The following RNF43 variants were observed in gnomAD, a reference collection of about 807,000 sequenced individuals.
The protein encoded by RNF43 is ring finger protein 43, also known as E3 ubiquitin-protein ligase RNF43.
In RNF43, 37 loss-of-function variants were observed where a neutral mutation model predicts 78.4. The ratio of observed to expected loss-of-function variants is 0.47; its 90% CI spans 0.36 to 0.62. The LOEUF is 0.62. Ranked by LOEUF, RNF43 falls within the 20% of genes least tolerant of loss-of-function variation. The pLI is 0.00. For synonymous variants in RNF43, 347 were observed against 395.0 expected (o/e 0.88, Z 1.44); for missense variants, 774 against 1,007.9 (o/e 0.77, Z 3.14).
In RNF43 at chr17:58,356,997, G is replaced by T. The variant is rs191299867; in HGVS notation, c.2308+471C>A. 3 of 507,520 alleles carry T rather than the reference G, an allele frequency of 5.9e-6. No individual in the cohort carries two copies. In the South Asian group the frequency reaches 6.3e-5, roughly 11 times the overall value. 31.4% of individuals were successfully genotyped at this position (507,520 alleles called of 1,614,324 possible). ...CAACTTCCGCCTCTTAGGTTCACGC[G>T]ATTCTCCTGCCTCAGCCTCCTGAGT... is the stretch of plus-strand genomic sequence containing the variant. On this transcript the variant is annotated intron_variant, in intron 9 of 9. Transcript: ENST00000407977.
chr17:58,370,691 A>G lies in RNF43; in HGVS notation c.375+220T>C, dbSNP rs2632513. ...ATGGGAAGGAGGTGGGATGGGGAGC[A>G]TGCTGGGATGAAGGTCAAAAAGTCC... On this transcript the variant is annotated intron_variant, in intron 3 of 9. Transcript: ENST00000407977. Among the ~76,000 whole-genome samples, 23,244 of 152,120 alleles carry G rather than the reference A, an allele frequency of 0.15. 2,163 individuals are homozygous for G. The highest frequency in any genetic ancestry group is 0.38 in the East Asian group (1,954 of 5,142).
At chr17:58,352,837 C>T (rs1972588228), downstream of RNF43, 1 of 219,356 alleles carries the variant, frequency 4.6e-6, no homozygotes. Context: ...GACACGGTTC[C>T]TTTACTAAAG....
Position 58,415,406 on chromosome 17 carries a change from T to C in RNF43, c.172A>G (p.Thr58Ala), listed in dbSNP as rs142864107. The stretch of plus-strand genomic sequence containing the variant: ...TCCAAAGTGAGATTCAGTTTTCCTG[T>C]GGGGTCCATTTTCAAGGGGATCACT... ...IRVIPLKMDP[T>A]GKLNLTLEGV... The change falls in exon 2 of 10, where the codon ACA becomes GCA. Residue 58 changes from threonine to alanine, a missense_variant. Thr to Ala is a moderately conservative substitution (Grantham distance 58). Transcript: ENST00000407977. 8.2e-5 allele frequency: 133 copies of C among 1,614,192 alleles called. No individual in the cohort carries two copies. Among genetic ancestry groups the C allele is most frequent in the Admixed American group, 3.5e-4 (21 of 60,030 alleles).
chr17:58,397,646 A>T (rs1025512530), intron 2 of RNF43, among the ~76,000 whole-genome samples: 1 of 151,748 alleles, frequency 6.6e-6, no homozygotes, highest in Admixed American at 6.6e-5. Flanking sequence ...CTGGGTGACA[A>T]CAGTGAAACT....
At chr17:58,380,019 T>C (rs976295532) in intron 2 of RNF43, among the ~76,000 whole-genome samples, 2 of 152,188 alleles carry the variant, frequency 1.3e-5, no homozygotes, top group Admixed American at 6.5e-5. Flanking sequence ...GGCCATGAAA[T>C]AGAATACCAA....
chr17:58,378,207 GT>G (rs1973245666), intron 2 of RNF43, among the ~76,000 whole-genome samples: 1 of 152,206 alleles, frequency 6.6e-6, no homozygotes, highest in Non-Finnish European at 1.5e-5. Context: ...CACGAATCAA[GT>G]TGGGAGGCTG....
At chr17:58,381,864 C>T (rs1319262984) in intron 2 of RNF43, among the ~76,000 whole-genome samples, 1 of 151,988 alleles carries the variant, frequency 6.6e-6, no homozygotes. Context: ...AATTATTTTT[C>T]CTTTCTCTTC....
intron 2 of RNF43, among the ~76,000 whole-genome samples, chr17:58,379,707 C>G (rs570365712): frequency 1.7e-3 from 258 of 152,242 alleles, no homozygotes; most frequent in African/African-American, 5.9e-3. Context: ...GGAGTGCACT[C>G]GTAAGCAAAT....
At chr17:58,379,081 C>T (rs1707269623) in intron 2 of RNF43, among the ~76,000 whole-genome samples, 1 of 152,170 alleles carries the variant, frequency 6.6e-6, no homozygotes, top group Non-Finnish European at 1.5e-5. Flanking sequence ...ACCTAGTCAA[C>T]ACCCAGTTAA....
intron 2 of RNF43, among the ~76,000 whole-genome samples, chr17:58,376,695 G>T (rs779454697): frequency 1.4e-4 from 21 of 152,168 alleles, no homozygotes; most frequent in Non-Finnish European, 2.1e-4. Flanking sequence ...TCCTAATCAT[G>T]AAGATGCAAA....
intron 2 of RNF43, among the ~76,000 whole-genome samples, chr17:58,386,456 T>TG (rs1186527523): frequency 6.6e-6 from 1 of 152,084 alleles, no homozygotes; most frequent in African/African-American, 2.4e-5. Flanking sequence ...AACAACACCG[T>TG]GCAAGAAGAT....
At chr17:58,404,520 A>G (rs914743380) in intron 2 of RNF43, among the ~76,000 whole-genome samples, 1 of 152,226 alleles carries the variant, frequency 6.6e-6, no homozygotes, top group Non-Finnish European at 1.5e-5. Flanking sequence ...TGTATGTCAT[A>G]GAGTTTACTA....
At chr17:58,406,493 T>A (rs1005681430) in intron 2 of RNF43, among the ~76,000 whole-genome samples, 3 of 152,140 alleles carry the variant, frequency 2.0e-5, no homozygotes, top group Admixed American at 2.0e-4. Flanking sequence ...CTCCCCTCCA[T>A]CAAAACTGTA....
At chr17:58,413,754 C>T (rs1974069677) in intron 2 of RNF43, among the ~76,000 whole-genome samples, 1 of 152,090 alleles carries the variant, frequency 6.6e-6, no homozygotes, top group Non-Finnish European at 1.5e-5. Flanking sequence ...TTATGTAGAG[C>T]TTTATGATAA....
chr17:58,387,827 A>G (rs1408881761), intron 2 of RNF43, among the ~76,000 whole-genome samples: 1 of 152,156 alleles, frequency 6.6e-6, no homozygotes, highest in Non-Finnish European at 1.5e-5. Context: ...CTTTCATCCA[A>G]TACATTTCCT....
intron 3 of RNF43, among the ~76,000 whole-genome samples, chr17:58,366,322 G>C (rs1598136516): frequency 6.6e-6 from 1 of 152,140 alleles, no homozygotes; most frequent in Admixed American, 6.5e-5. Context: ...TGAGGTAGGG[G>C]TGGGGACAGG....
chr17:58,355,331 GA>G (rs1972665751), intron 9 of RNF43, among the ~76,000 whole-genome samples: 1 of 152,200 alleles, frequency 6.6e-6, no homozygotes, highest in Admixed American at 6.5e-5. Flanking sequence ...TTTTTGGAGA[GA>G]AAGTATGAAA....
At chr17:58,377,398 A>C (rs1277510958) in intron 2 of RNF43, among the ~76,000 whole-genome samples, 1 of 152,076 alleles carries the variant, frequency 6.6e-6, no homozygotes, top group Admixed American at 6.6e-5. Flanking sequence ...TGCAAGGCGC[A>C]TTCTGGGACA....
In RNF43 at chr17:58,415,964, TA is replaced by T. The variant is rs1406126651; in HGVS notation, c.-385-3del. On this transcript the variant is annotated splice_polypyrimidine_tract_variant and splice_region_variant and intron_variant, in intron 1 of 9. Coordinates refer to ENST00000407977, the MANE Select transcript of RNF43 (RefSeq NM_017763.6). ...CCATATGCATCAAGTTGCCAGGCAC[TA>T]AACCCAATGTTCATGAACAAAACAA... The T allele has an allele frequency of 6.5e-6, 2 of 310,032 alleles. No individual in the cohort carries two copies. The highest frequency in any genetic ancestry group is 4.5e-5 in the Admixed American group (1 of 22,122). 19.2% of individuals were successfully genotyped at this position (310,032 alleles called of 1,614,324 possible). A position where few individuals can be genotyped will look rare whatever the true frequency, so the allele number is the denominator to read the frequency against.
Sources: gnomAD v4.1 joint callset for allele counts (sites outside exome capture counted in the v4.1 genomes callset) on GRCh38, gnomAD v4.1.1 for gene constraint, MANE v1.5 for transcripts, NCBI Gene and HGNC (gene_info 2026-07-23, HGNC 2026-07-21) for gene names.